The following FARSB variants were observed in gnomAD, a reference collection of about 807,000 sequenced individuals.
The protein encoded by FARSB is phenylalanyl-tRNA synthetase subunit beta.
FARSB carries 40 observed loss-of-function variants against 69.6 expected under a neutral mutation model. That is an observed-to-expected ratio of 0.57 (90% CI 0.45 to 0.75). FARSB has a LOEUF of 0.75. Among genes scored for constraint, FARSB ranks in the 30% least tolerant of loss-of-function variants. The probability of loss-of-function intolerance (pLI) is 0.00; values close to 1 mark genes in which losing one functional copy is unlikely to be tolerated. For missense variants in FARSB, 632 were observed against 722.9 expected (o/e 0.87, Z 1.44); for synonymous variants, 235 against 247.2 (o/e 0.95, Z 0.46).
chr2:222,579,534 C>A (rs560935134), intron 16 of FARSB, among the ~76,000 whole-genome samples: 1 of 152,252 alleles, frequency 6.6e-6, no homozygotes, highest in South Asian at 2.1e-4. Context: ...GGAATTATTT[C>A]AGCAGACAAG....
intron 15 of FARSB, among the ~76,000 whole-genome samples, chr2:222,611,588 C>T (rs1349371654): frequency 1.3e-5 from 2 of 152,090 alleles, no homozygotes; most frequent in Non-Finnish European, 2.9e-5. Context: ...GCTGGGATTA[C>T]AGGCATGAAC....
intron 16 of FARSB, among the ~76,000 whole-genome samples, chr2:222,582,744 C>T (rs531370915): frequency 2.6e-5 from 4 of 151,844 alleles, no homozygotes; most frequent in South Asian, 4.2e-4. Flanking sequence ...GCCAACATGA[C>T]GAAACCCCAT....
intron 16 of FARSB, among the ~76,000 whole-genome samples, chr2:222,577,217 T>G (rs989255057): frequency 6.6e-6 from 1 of 152,230 alleles, no homozygotes; most frequent in Admixed American, 6.5e-5. Flanking sequence ...AATTTGTAAG[T>G]GGAGACTGAA....
intron 3 of FARSB, 27 bp downstream of exon 3, chr2:222,642,822 CAA>C: frequency 6.6e-7 from 1 of 1,519,072 alleles, no homozygotes; most frequent in Non-Finnish European, 8.9e-7. Flanking sequence ...CCCAACTTAG[CAA>C]AGTCTTTAAG....
chr2:222,586,574 T>G (rs566453424), intron 16 of FARSB, among the ~76,000 whole-genome samples: 1 of 152,006 alleles, frequency 6.6e-6, no homozygotes, highest in Admixed American at 6.6e-5. Context: ...GCAAATTGGA[T>G]AGAATCAAGA....
chr2:222,604,454 A>AT (rs888606598), intron 15 of FARSB, among the ~76,000 whole-genome samples: 1 of 152,182 alleles, frequency 6.6e-6, no homozygotes, highest in Non-Finnish European at 1.5e-5. Flanking sequence ...GCCATTTAAC[A>AT]TTTCTCAGTA....
At position 222,569,964 on chromosome 2, in the gene FARSB, GT is replaced by G. The variant is rs1689686895; in HGVS notation, c.*1906del. ...GTATGTTTCAAGAGACTGCCAAGCT[GT>G]TTTCTAAAGTCACAATGTAACATTT... On this transcript the variant is annotated 3_prime_UTR_variant, in exon 17 of 17. Coordinates refer to ENST00000281828, the MANE Select transcript of FARSB (RefSeq NM_005687.5). Among the ~76,000 whole-genome samples the G allele has an allele frequency of 6.6e-6, 1 of 152,150 alleles. No individual in the cohort carries two copies. Among genetic ancestry groups the G allele is most frequent in the African/African-American group, 2.4e-5 (1 of 41,430 alleles).
intron 16 of FARSB, among the ~76,000 whole-genome samples, chr2:222,572,318 A>C (rs932702474): frequency 2.0e-5 from 3 of 152,156 alleles, no homozygotes; most frequent in Admixed American, 2.0e-4. Flanking sequence ...CCACAGTCAG[A>C]AGTCCTAGGG....
intron 7 of FARSB, among the ~76,000 whole-genome samples, chr2:222,631,899 C>A (rs571604906): frequency 6.6e-6 from 1 of 152,160 alleles, no homozygotes; most frequent in East Asian, 1.9e-4. Context: ...ACAGAGAAAC[C>A]CCTTCTCTAC....
At position 222,571,015 on chromosome 2, in the gene FARSB, T is replaced by C. The variant is rs958823200; in HGVS notation, c.*856A>G. On this transcript the variant is annotated 3_prime_UTR_variant, in exon 17 of 17. Coordinates refer to ENST00000281828, the MANE Select transcript of FARSB (RefSeq NM_005687.5). ...AAAACAAGGAGGATTGGCTGAAGCT[T>C]AGCTTCAGAAAAAGAGAGGTCTAAT... 6.6e-6 allele frequency: 1 copy of C among 152,132 alleles called. No homozygotes were observed. Among genetic ancestry groups the C allele is most frequent in the Non-Finnish European group, 1.5e-5 (1 of 68,012 alleles). The allele number at this position is 152,132 out of a possible 1,614,324, so 9.4% of individuals were successfully genotyped here.
intron 14 of FARSB, among the ~76,000 whole-genome samples, chr2:222,616,845 C>A (rs1691010466): frequency 6.6e-6 from 1 of 152,104 alleles, no homozygotes; most frequent in Non-Finnish European, 1.5e-5. Flanking sequence ...TTTAACTTAA[C>A]CATAAATATA....
chr2:222,637,997 AC>A (rs1167927060), intron 5 of FARSB, among the ~76,000 whole-genome samples: 1 of 152,114 alleles, frequency 6.6e-6, no homozygotes, highest in Admixed American at 6.5e-5. Context: ...AAACAAACAA[AC>A]AAAAAGATCA....
At chr2:222,617,359 A>C (rs1691024539) in intron 14 of FARSB, among the ~76,000 whole-genome samples, 1 of 152,238 alleles carries the variant, frequency 6.6e-6, no homozygotes, top group Admixed American at 6.5e-5. Flanking sequence ...AATAGAAAAG[A>C]CAGGATGTAA....
At chr2:222,622,007 T>C (rs1411121539) in intron 13 of FARSB, among the ~76,000 whole-genome samples, 1 of 152,222 alleles carries the variant, frequency 6.6e-6, no homozygotes, top group Non-Finnish European at 1.5e-5. Context: ...ATCCCTGGTG[T>C]GACAGTTCAG....
intron 15 of FARSB, among the ~76,000 whole-genome samples, chr2:222,612,396 A>G (rs1690878670): frequency 6.6e-6 from 1 of 152,220 alleles, no homozygotes; most frequent in South Asian, 2.1e-4. Flanking sequence ...AAATGGGACA[A>G]TATTGGGGAA....
chr2:222,612,640 G>A (rs1690888543), intron 15 of FARSB, among the ~76,000 whole-genome samples: 1 of 152,210 alleles, frequency 6.6e-6, no homozygotes, highest in Admixed American at 6.5e-5. Context: ...AAGCATCGCT[G>A]CATAAACACT....
chr2:222,642,965 A>C lies in FARSB; in HGVS notation c.155T>G (p.Val52Gly), dbSNP rs778969282. ...AACATCAGAGGCTCCTGCTGCCTTT[A>C]CATTACCTTGTTCTTTACTTATTAT... ...KEIISKEQGN[V>G]KAAGASDVVL... is the part of the protein sequence containing the mutation. The change falls in exon 3 of 17, where the codon GTA (valine) becomes GGA (glycine). Residue 52 changes from valine to glycine, a missense_variant. Val to Gly is a moderately radical substitution (Grantham distance 109). Transcript: ENST00000281828. The C allele has an allele frequency of 6.2e-6, 10 of 1,610,800 alleles. No homozygotes were observed. Among genetic ancestry groups the C allele is most frequent in the Middle Eastern group, 1.7e-4 (1 of 6,052 alleles).
At position 222,623,517 on chromosome 2, in the gene FARSB, C is replaced by G. The variant is rs74772430; in HGVS notation, c.1251+133G>C. The G allele has an allele frequency of 2.4e-3, 1,710 of 704,488 alleles. 23 individuals carry two copies. In the African/African-American group the frequency reaches 0.027, roughly 11 times the overall value. The allele number at this position is 704,488 out of a possible 1,614,324, so 43.6% of individuals were successfully genotyped here. A position where few individuals can be genotyped will look rare whatever the true frequency, so the allele number is the denominator to read the frequency against. ...CCAGGAATTGTATAATCTCAAGTAA[C>G]AAAGTTATTCTTCCAGAATCTGGAA... On this transcript the variant is annotated intron_variant, in intron 13 of 16. Transcript: ENST00000281828.
chr2:222,616,178 GGAAAA>G (rs1273852731), intron 14 of FARSB, among the ~76,000 whole-genome samples: 4 of 152,062 alleles, frequency 2.6e-5, no homozygotes, highest in African/African-American at 9.7e-5. Context: ...CAAACTGAAA[GGAAAA>G]GAAAGACGGA....
Sources: gnomAD v4.1 joint callset for allele counts (sites outside exome capture counted in the v4.1 genomes callset) on GRCh38, gnomAD v4.1.1 for gene constraint, MANE v1.5 for transcripts, NCBI Gene and HGNC (gene_info 2026-07-23, HGNC 2026-07-21) for gene names.